TAFA5: variants seen among roughly 807,000 people sequenced by gnomAD.
TAFA5 encodes TAFA chemokine like family member 5.
TAFA5 carries 6 observed loss-of-function variants against 15.3 expected under a neutral mutation model. The observed-to-expected ratio is 0.39, with a 90% CI of 0.21 to 0.77. The LOEUF is 0.77. TAFA5 is among the 30% of genes least tolerant of loss of function. The probability of loss-of-function intolerance (pLI) is 0.41; values close to 1 mark genes in which losing one functional copy is unlikely to be tolerated. For missense variants in TAFA5, 161 were observed against 193.1 expected (o/e 0.83, Z 0.98); for synonymous variants, 103 against 80.7 (o/e 1.28, Z -1.48).
chr22:48,717,483 A>G (rs899954032), intron 3 of TAFA5, among the ~76,000 whole-genome samples: 2 of 152,266 alleles, frequency 1.3e-5, no homozygotes, highest in Non-Finnish European at 2.9e-5. Flanking sequence ...TGTTTCTAGC[A>G]GGAATTCGCA....
chr22:48,729,085 G>A (rs2147265764), intron 3 of TAFA5, among the ~76,000 whole-genome samples: 1 of 151,882 alleles, frequency 6.6e-6, no homozygotes, highest in Non-Finnish European at 1.5e-5. Flanking sequence ...ATAACTGAAG[G>A]AATAGATAAA....
At chr22:48,615,583 C>T (rs556045276) in intron 1 of TAFA5, among the ~76,000 whole-genome samples, 1 of 152,326 alleles carries the variant, frequency 6.6e-6, no homozygotes, top group Non-Finnish European at 1.5e-5. Context: ...TTTCTATTTA[C>T]AAGGTGATTC....
At chr22:48,693,082 C>T (rs745555441) in intron 2 of TAFA5, among the ~76,000 whole-genome samples, 1 of 152,246 alleles carries the variant, frequency 6.6e-6, no homozygotes, top group Non-Finnish European at 1.5e-5. Context: ...GCCGTTGGAA[C>T]GCTGCCCTTC....
intron 2 of TAFA5, among the ~76,000 whole-genome samples, chr22:48,705,635 G>T (rs1929054543): frequency 1.3e-5 from 2 of 152,262 alleles, no homozygotes; most frequent in Admixed American, 6.5e-5. Flanking sequence ...CAAGGCCCTT[G>T]TTAAAAATTA....
intron 1 of TAFA5, chr22:48,539,428 T>G (rs2147117915): frequency 2.1e-6 from 1 of 471,240 alleles, no homozygotes; most frequent in Non-Finnish European, 4.4e-6. Flanking sequence ...GGAAAAGCTG[T>G]TTTGATTTCC....
intron 3 of TAFA5, among the ~76,000 whole-genome samples, chr22:48,723,719 G>C (rs1052358545): frequency 6.6e-6 from 1 of 152,228 alleles, no homozygotes; most frequent in Non-Finnish European, 1.5e-5. Context: ...TCTGTAGAAG[G>C]GGGTAAGAAT....
chr22:48,630,384 GCA>G (rs1295964495), intron 1 of TAFA5, among the ~76,000 whole-genome samples: 1 of 152,218 alleles, frequency 6.6e-6, no homozygotes, highest in East Asian at 1.9e-4. Context: ...CTGGTGACAG[GCA>G]CAGAGAAAAG....
intron 3 of TAFA5, among the ~76,000 whole-genome samples, chr22:48,717,723 C>T (rs1929445353): frequency 6.6e-6 from 1 of 152,222 alleles, no homozygotes; most frequent in Non-Finnish European, 1.5e-5. Flanking sequence ...ACAGAGCAGG[C>T]ATGGCCTCTG....
chr22:48,699,047 T>G (rs1465921444), intron 2 of TAFA5, among the ~76,000 whole-genome samples: 1 of 151,336 alleles, frequency 6.6e-6, no homozygotes, highest in Non-Finnish European at 1.5e-5. Context: ...GTTCAAGTGA[T>G]TCCCCTGCCT....
chr22:48,660,662 G>A (rs998635401), intron 2 of TAFA5, among the ~76,000 whole-genome samples: 5 of 152,224 alleles, frequency 3.3e-5, no homozygotes, highest in African/African-American at 1.2e-4. Flanking sequence ...GCAGATGACT[G>A]GAGCTGCGGA....
intron 3 of TAFA5, among the ~76,000 whole-genome samples, chr22:48,721,992 A>G (rs1229735959): frequency 6.6e-6 from 1 of 151,964 alleles, no homozygotes; most frequent in East Asian, 1.9e-4. Flanking sequence ...AAAAAATTTA[A>G]TAAACATACG....
intron 1 of TAFA5, among the ~76,000 whole-genome samples, chr22:48,604,245 T>A (rs1456999243): frequency 6.6e-6 from 1 of 152,244 alleles, no homozygotes; most frequent in African/African-American, 2.4e-5. Flanking sequence ...TCTCAGGCAC[T>A]GCGTTCCTTC....
intron 1 of TAFA5, among the ~76,000 whole-genome samples, chr22:48,628,926 A>C (rs937713314): frequency 1.3e-5 from 2 of 152,174 alleles, no homozygotes; most frequent in Non-Finnish European, 2.9e-5. Flanking sequence ...CTGGGAGCTC[A>C]GGCGTGCAGT....
chr22:48,685,704 T>C (rs1928331559), intron 2 of TAFA5, among the ~76,000 whole-genome samples: 1 of 151,954 alleles, frequency 6.6e-6, no homozygotes, highest in Admixed American at 6.6e-5. Flanking sequence ...CCTTGGCCTA[T>C]GGGGGTGTCT....
chr22:48,576,792 G>A (rs934328231), intron 1 of TAFA5, among the ~76,000 whole-genome samples: 8 of 151,634 alleles, frequency 5.3e-5, no homozygotes, highest in African/African-American at 1.9e-4. Context: ...CACCGGCAGG[G>A]CGCGGGGTCG....
intron 1 of TAFA5, among the ~76,000 whole-genome samples, chr22:48,605,461 G>A (rs944690261): frequency 6.7e-6 from 1 of 148,546 alleles, no homozygotes; most frequent in African/African-American, 2.5e-5. Flanking sequence ...CAATGGTGAT[G>A]GTAATGATGA....
At chr22:48,515,971 C>G (rs1238386712) in intron 1 of TAFA5, among the ~76,000 whole-genome samples, 1 of 151,950 alleles carries the variant, frequency 6.6e-6, no homozygotes, top group Non-Finnish European at 1.5e-5. Context: ...GGAAAGGCAA[C>G]CCGGGCAGCC....
chr22:48,735,720 C>A (rs1206794945), intron 3 of TAFA5, among the ~76,000 whole-genome samples: 1 of 151,738 alleles, frequency 6.6e-6, no homozygotes, highest in Non-Finnish European at 1.5e-5. Flanking sequence ...CAGCAATCGC[C>A]CTCCTAGAGT....
intron 1 of TAFA5, among the ~76,000 whole-genome samples, chr22:48,590,603 C>T (rs62225935): frequency 0.066 from 10,083 of 152,210 alleles, 406 homozygotes; most frequent in African/African-American, 0.1. Context: ...GAGCTGACCA[C>T]GAGGGGCTGC....
Sources: allele counts gnomAD v4.1 joint callset (sites outside exome capture counted in the v4.1 genomes callset), GRCh38; gene constraint gnomAD v4.1.1; transcripts MANE v1.5; gene names NCBI Gene and HGNC (gene_info 2026-07-23, HGNC 2026-07-21).